Variants in ATRIP observed in about 807,000 individuals in gnomAD.
ATRIP encodes ATR-interacting protein.
A neutral mutation model predicts 78.1 loss-of-function variants in ATRIP; 44 were observed. The observed-to-expected ratio is 0.56, with a 90% CI of 0.44 to 0.72. ATRIP has a LOEUF of 0.72. ATRIP is among the 30% of genes least tolerant of loss of function. The probability of loss-of-function intolerance (pLI) is 0.00; values close to 1 mark genes in which losing one functional copy is unlikely to be tolerated. For missense variants in ATRIP, 927 were observed against 980.2 expected (o/e 0.95, Z 0.72); for synonymous variants, 388 against 408.9 (o/e 0.95, Z 0.62).
In ATRIP at chr3:48,466,750, C is replaced by G. The variant is rs755138065; in HGVS notation, c.*1196C>G. On this transcript the variant is annotated 3_prime_UTR_variant, in exon 13 of 13. Transcript: ENST00000320211. ...TTGCCCTTCTCCCAGCCCAAGGTCA[C>G]GGAGCTGTGCCTGCTGGCTGTCCAC... 6.2e-7 allele frequency: 1 copy of G among 1,613,976 alleles called. No individual in the cohort carries two copies. Among genetic ancestry groups the G allele is most frequent in the South Asian group, 1.1e-5 (1 of 91,086 alleles).
rs1231905121 is a variant in ATRIP, at chr3:48,454,248, A to G, written c.553-52A>G. 4 of 1,034,894 alleles carry G rather than the reference A, an allele frequency of 3.9e-6. No homozygotes were observed. The East Asian group carries it at 7.3e-5, about 19-fold the overall frequency. The allele number at this position is 1,034,894 out of a possible 1,614,324, so 64.1% of individuals were successfully genotyped here. A position where few individuals can be genotyped will look rare whatever the true frequency, so the allele number is the denominator to read the frequency against. On this transcript the variant is annotated intron_variant, in intron 3 of 12. Transcript: ENST00000320211. ...GCTTGTGATTTTGAAGCCCAGAGATATTTTTGTGTATATGATGGGACCACT... is the reference window on the plus strand; with the variant it reads ...GCTTGTGATTTTGAAGCCCAGAGATGTTTTTGTGTATATGATGGGACCACT...
At chr3:48,458,575 C>T (rs190693056) in intron 5 of ATRIP, among the ~76,000 whole-genome samples, 98 of 152,274 alleles carry the variant, frequency 6.4e-4, no homozygotes, top group Non-Finnish European at 1.1e-3. Flanking sequence ...CCACTTCAGC[C>T]TCCCAAAATG....
At chr3:48,455,878 T>C (rs1288752423) in intron 4 of ATRIP, among the ~76,000 whole-genome samples, 1 of 151,912 alleles carries the variant, frequency 6.6e-6, no homozygotes, top group African/African-American at 2.4e-5. Flanking sequence ...CCCAACACTT[T>C]GGGAGGATGA....
At chr3:48,464,559 G>C (rs753917088) in intron 10 of ATRIP, 23 bp from the exon 11 acceptor site, 4 of 1,613,180 alleles carry the variant, frequency 2.5e-6, no homozygotes, top group Non-Finnish European at 3.4e-6. Flanking sequence ...GCCCAGGATG[G>C]AACCAATCTG....
intron 2 of ATRIP, chr3:48,450,438 A>G: frequency 1.8e-6 from 2 of 1,115,676 alleles, no homozygotes; most frequent in Non-Finnish European, 2.4e-6. Context: ...AATTTATAGC[A>G]TGTATCTTCA....
intron 1 of ATRIP, chr3:48,447,640 A>T: frequency 1.5e-6 from 1 of 687,128 alleles, no homozygotes; most frequent in Non-Finnish European, 1.8e-6. Context: ...TCCTTCATGG[A>T]GCTTACATTC....
Position 48,460,335 on chromosome 3 carries a change from C to A in ATRIP, c.1281C>A (p.Ile427=). The A allele has an allele frequency of 1.9e-6, 3 of 1,613,232 alleles. No homozygotes were observed. Among genetic ancestry groups the A allele is most frequent in the Non-Finnish European group, 2.5e-6 (3 of 1,179,520 alleles). ...VHFLPLVQFF[I]GLHCQALQDL... ...TCCTCCCCCTTGTACAGTTCTTCAT[C>A]GGCTTACACTGCCAGGCCCTGCAGG... The change falls in exon 8 of 13, where the codon ATC becomes ATA. Residue 427 remains isoleucine, a synonymous_variant. Transcript: ENST00000320211.
At chr3:48,465,376 G>A (rs990705694) in intron 12 of ATRIP, 111 bp from the exon 13 acceptor site, 2 of 1,086,600 alleles carry the variant, frequency 1.8e-6, no homozygotes, top group Admixed American at 2.1e-5. Flanking sequence ...CAGGGCCTGG[G>A]TGTGGAAGGG....
chr3:48,450,824 C>T (rs1428500387), intron 2 of ATRIP, among the ~76,000 whole-genome samples: 1 of 151,734 alleles, frequency 6.6e-6, no homozygotes, highest in Non-Finnish European at 1.5e-5. Context: ...TGGCCTCAGC[C>T]TCCCAAAGTG....
At chr3:48,450,278 C>A in intron 2 of ATRIP, 108 bp downstream of exon 2, 2 of 1,355,252 alleles carry the variant, frequency 1.5e-6, no homozygotes, top group South Asian at 2.8e-5. Flanking sequence ...CTAGATTCAT[C>A]CCTATGACAT....
At chr3:48,449,906 C>A (rs1450366593) in intron 1 of ATRIP, 131 bp from the exon 2 acceptor site, 3 of 1,019,314 alleles carry the variant, frequency 2.9e-6, no homozygotes, top group Non-Finnish European at 4.3e-6. Context: ...CCACTGCACT[C>A]CAACCTGGGT....
chr3:48,446,783 C>G lies in ATRIP; in HGVS notation c.-63C>G. 14 of 1,353,240 alleles carry G rather than the reference C, an allele frequency of 1.0e-5. No homozygotes were observed. The highest frequency in any genetic ancestry group is 1.3e-5 in the Non-Finnish European group (14 of 1,051,066). 83.8% of individuals were successfully genotyped at this position (1,353,240 alleles called of 1,614,324 possible). On this transcript the variant is annotated 5_prime_UTR_variant, in exon 1 of 13. Coordinates refer to ENST00000320211, the MANE Select transcript of ATRIP (RefSeq NM_130384.3). ...CGGCGCGCGGACGGTTGGTCCAGTT[C>G]TCCGGCCTGGCGGCAGGCAAGTCTA...
Position 48,465,826 on chromosome 3 carries a change from C to A in ATRIP, c.*272C>A. On this transcript the variant is annotated 3_prime_UTR_variant, in exon 13 of 13. Transcript: ENST00000320211. ...GCCCTGCCCTGCCTGTGGAATTGTC[C>A]TGAGTCATTGCTTTGGGCTGGGGCC... The A allele has an allele frequency of 2.4e-6, 1 of 415,370 alleles. No homozygotes were observed. Among genetic ancestry groups the A allele is most frequent in the Non-Finnish European group, 4.5e-6 (1 of 222,910 alleles). The allele number at this position is 415,370 out of a possible 1,614,324, so 25.7% of individuals were successfully genotyped here. A position where few individuals can be genotyped will look rare whatever the true frequency, so the allele number is the denominator to read the frequency against.
At chr3:48,456,272 T>C (rs942442204) in intron 4 of ATRIP, among the ~76,000 whole-genome samples, 1 of 151,720 alleles carries the variant, frequency 6.6e-6, no homozygotes, top group Non-Finnish European at 1.5e-5. Flanking sequence ...CAAAACCCCA[T>C]TGCTACTTAA....
intron 8 of ATRIP, among the ~76,000 whole-genome samples, chr3:48,463,241 G>A (rs1383171321): frequency 2.0e-5 from 3 of 152,202 alleles, no homozygotes; most frequent in Non-Finnish European, 4.4e-5. Context: ...ACACCCCACA[G>A]TAGGCACATT....
At chr3:48,456,746 G>C (rs2039965321) in intron 4 of ATRIP, among the ~76,000 whole-genome samples, 1 of 152,076 alleles carries the variant, frequency 6.6e-6, no homozygotes, top group African/African-American at 2.4e-5. Flanking sequence ...CTGTACTCCA[G>C]CCTGGGCAAT....
chr3:48,449,708 G>A (rs777781657), intron 1 of ATRIP, among the ~76,000 whole-genome samples: 30 of 149,396 alleles, frequency 2.0e-4, no homozygotes, highest in Non-Finnish European at 3.8e-4. Context: ...CGGGTGGATC[G>A]CGAGGACAGG....
intron 2 of ATRIP, chr3:48,450,421 TA>T: frequency 9.2e-7 from 1 of 1,082,970 alleles, no homozygotes; most frequent in Non-Finnish European, 1.3e-6. Flanking sequence ...GTTAGGGTAC[TA>T]AGATGAATTT....
Position 48,446,886 on chromosome 3 carries a change from A to G in ATRIP, c.41A>G (p.Glu14Gly). Reference sequence around the variant, plus strand: ...GCGCCAGGCAGCAAGAGGCGGAGCGAGCCCCCGGCGCCTCGCCCCGGCCCG... The same window carrying G: ...GCGCCAGGCAGCAAGAGGCGGAGCGGGCCCCCGGCGCCTCGCCCCGGCCCG... ...TSAPGSKRRS[E>G]PPAPRPGPPP... The change falls in exon 1 of 13, where the codon GAG (glutamate) becomes GGG (glycine). Residue 14 changes from glutamate to glycine, a missense_variant. Glu to Gly is a moderately conservative substitution (Grantham distance 98). Transcript: ENST00000320211. The G allele has an allele frequency of 7.2e-7, 1 of 1,397,820 alleles. No homozygotes were observed. The allele number at this position is 1,397,820 out of a possible 1,614,324, so 86.6% of individuals were successfully genotyped here.
Sources: gnomAD v4.1 joint callset for allele counts (sites outside exome capture counted in the v4.1 genomes callset) on GRCh38, gnomAD v4.1.1 for gene constraint, MANE v1.5 for transcripts, NCBI Gene and HGNC (gene_info 2026-07-23, HGNC 2026-07-21) for gene names.